LPA: variants seen among roughly 807,000 people sequenced by gnomAD.
LPA encodes lipoprotein(a), also known as apolipoprotein(a).
Under a neutral mutation model 197.9 loss-of-function variants are expected in LPA, and 199 were observed. The ratio of observed to expected loss-of-function variants is 1.01; its 90% CI spans 0.90 to 1.13. LPA has a LOEUF of 1.13. Among genes scored for constraint, LPA ranks in the 50% most tolerant of loss-of-function variants. The probability of loss-of-function intolerance (pLI) is 0.00; values close to 1 mark genes in which losing one functional copy is unlikely to be tolerated. For missense variants in LPA, 1,853 were observed against 1,785.8 expected (o/e 1.04, Z -0.68); for synonymous variants, 715 against 639.5 (o/e 1.12, Z -1.78).
rs369044815 is a variant in LPA at position 160,578,627 on chromosome 6, C to T, written c.4367G>A (p.Arg1456Lys). ...TCGTGTCAGGTTGCAGTACTCCCAC[C>T]TGACACTGGGATCCATGGTGTAACA... Reference protein sequence around the residue: ...PWCYTMDPSVRWEYCNLTRCP... With the variant: ...PWCYTMDPSVKWEYCNLTRCP... The change falls in exon 27 of 39, where the codon AGG (arginine) becomes AAG (lysine). Residue 1456 changes from arginine to lysine, a missense_variant. Around this residue, in one of 3 missense-constraint regions of LPA, gnomAD observed 1,737 missense variants for 1,504.4 expected, o/e 1.15. Transcript: ENST00000316300. The T allele has an allele frequency of 5.9e-5, 96 of 1,613,902 alleles. No individual in the cohort carries two copies. Among genetic ancestry groups the T allele is most frequent in the Non-Finnish European group, 7.8e-5 (92 of 1,179,928 alleles).
intron 37 of LPA, among the ~76,000 whole-genome samples, chr6:160,536,192 C>T (rs940121257): frequency 2.6e-5 from 4 of 152,170 alleles, no homozygotes; most frequent in Admixed American, 2.6e-4. Context: ...CATCTGCAGC[C>T]ATGGGAATGT....
Position 160,591,003 on chromosome 6 carries a change from G to A in LPA, c.3728C>T (p.Thr1243Ile). Residue 1243 changes from threonine to isoleucine, a missense_variant, in exon 23 of 39, where the codon ACA becomes ATA. Thr to Ile is a moderately conservative substitution (Grantham distance 89). Coordinates refer to ENST00000316300, the MANE Select transcript of LPA (RefSeq NM_005577.4). Reference sequence around the variant, plus strand: ...ACTTGATTCTGTCACTGGACATTGTGTCAGGTTGCAGTACTCCCATCTGAC... The same window carrying A: ...ACTTGATTCTGTCACTGGACATTGTATCAGGTTGCAGTACTCCCATCTGAC... Reference protein sequence around the residue: ...PNVRWEYCNLTQCPVTESSVL... With the variant: ...PNVRWEYCNLIQCPVTESSVL... 2.5e-6 allele frequency: 4 copies of A among 1,614,016 alleles called. No individual in the cohort carries two copies. Among genetic ancestry groups the A allele is most frequent in the Non-Finnish European group, 3.4e-6 (4 of 1,179,940 alleles).
rs1340012354 is a variant in LPA, at chr6:160,585,208, G to A, written c.4130-3C>T. ...CCCAGTGCTGTTTTCAGTTGGTGCT[G>A]AAATTAAAAGAGAAAATCAAGCTCA... On this transcript the variant is annotated splice_polypyrimidine_tract_variant and splice_region_variant and intron_variant, in intron 25 of 38. Transcript: ENST00000316300. 6.2e-7 allele frequency: 1 copy of A among 1,613,594 alleles called. No individual in the cohort carries two copies. Among genetic ancestry groups the A allele is most frequent in the Non-Finnish European group, 8.5e-7 (1 of 1,179,678 alleles).
chr6:160,655,705 GGATT>G, intron 1 of LPA, among the ~76,000 whole-genome samples: 1 of 152,246 alleles, frequency 6.6e-6, no homozygotes, highest in Non-Finnish European at 1.5e-5. Flanking sequence ...AATTTTAGCT[GGATT>G]TATTTCCCAT....
At chr6:160,541,368 G>A (rs1369335821) in intron 34 of LPA, among the ~76,000 whole-genome samples, 187 bp from the exon 35 acceptor site, 1 of 152,176 alleles carries the variant, frequency 6.6e-6, no homozygotes, top group African/African-American at 2.4e-5. Flanking sequence ...TTTTTCAGAA[G>A]GGCCCATCTG....
chr6:160,574,297 C>T (rs1396678706), intron 28 of LPA, among the ~76,000 whole-genome samples: 1 of 151,922 alleles, frequency 6.6e-6, no homozygotes, highest in African/African-American at 2.4e-5. Context: ...GGGGGAAAGT[C>T]AGGCTTGAAA....
At chr6:160,538,106 C>T (rs376038458) in intron 36 of LPA, 145 bp from the exon 37 acceptor site, 8 of 707,994 alleles carry the variant, frequency 1.1e-5, no homozygotes, top group East Asian at 5.5e-5. Flanking sequence ...TAGAACACAG[C>T]GTTTCACCCT....
intron 1 of LPA, among the ~76,000 whole-genome samples, chr6:160,655,005 G>A (rs949609702): frequency 1.3e-5 from 2 of 152,094 alleles, no homozygotes; most frequent in Non-Finnish European, 2.9e-5. Context: ...ATGGGCATTT[G>A]AGCCACTTCC....
At chr6:160,589,268 G>T (rs189272329) in intron 24 of LPA, among the ~76,000 whole-genome samples, 2 of 152,316 alleles carry the variant, frequency 1.3e-5, no homozygotes, top group Admixed American at 1.3e-4. Flanking sequence ...TTGTGGAATG[G>T]TGCTATTTCT....
intron 2 of LPA, among the ~76,000 whole-genome samples, chr6:160,648,559 T>A (rs1370738878): frequency 1.3e-5 from 2 of 151,996 alleles, no homozygotes; most frequent in Admixed American, 1.3e-4. Context: ...TTTGTGGATG[T>A]GTGTGTGTGT....
intron 34 of LPA, 98 bp downstream of exon 34, chr6:160,542,590 A>C: frequency 3.6e-5 from 55 of 1,513,672 alleles, no homozygotes; most frequent in Non-Finnish European, 4.4e-5. Flanking sequence ...AGAGGCAGGT[A>C]TTGATGCATC....
chr6:160,569,716 T>A (rs540531206), intron 28 of LPA, among the ~76,000 whole-genome samples: 14 of 151,736 alleles, frequency 9.2e-5, no homozygotes, highest in South Asian at 8.3e-4. Context: ...TGGGAGAAAA[T>A]TTTTACAATC....
chr6:160,650,076 G>A (rs1203403390), intron 2 of LPA, among the ~76,000 whole-genome samples: 2 of 152,158 alleles, frequency 1.3e-5, no homozygotes, highest in Non-Finnish European at 2.9e-5. Context: ...AGCTGACTCT[G>A]TCTAAACATT....
At chr6:160,620,694 T>C (rs1779605229) in intron 12 of LPA, among the ~76,000 whole-genome samples, 1 of 100,960 alleles carries the variant, frequency 9.9e-6, no homozygotes, top group South Asian at 3.2e-4. Context: ...TTATCAGCCA[T>C]CCTTGATTCC....
chr6:160,593,960 A>G lies in LPA; in HGVS notation c.3627T>C (p.Asn1209=), dbSNP rs758688036. The G allele has an allele frequency of 1.9e-6, 3 of 1,613,696 alleles. No individual in the cohort carries two copies. The highest frequency in any genetic ancestry group is 3.3e-5 in the Admixed American group (2 of 60,014). ...TTGAAGAAAACTCAAGGTTGTACCC[A>G]TTTGGATAATATTCTGTTGTCCTCT... ...WHQRTTEYYP[N]GGLTRNYCRN... Residue 1209 remains asparagine (N), a splice_region_variant and synonymous_variant, in exon 22 of 39, where the codon AAT becomes AAC. Coordinates refer to ENST00000316300, the MANE Select transcript of LPA (RefSeq NM_005577.4).
At chr6:160,584,461 A>G (rs1470416471) in intron 26 of LPA, among the ~76,000 whole-genome samples, 1 of 150,760 alleles carries the variant, frequency 6.6e-6, no homozygotes, top group Non-Finnish European at 1.5e-5. Flanking sequence ...CCTCCCAAGT[A>G]GTTGGAATTA....
chr6:160,606,266 C>T (rs1779347943), intron 17 of LPA, among the ~76,000 whole-genome samples: 1 of 152,150 alleles, frequency 6.6e-6, no homozygotes, highest in East Asian at 1.9e-4. Flanking sequence ...AGGGTTTGTG[C>T]CAATTCTAAA....
At chr6:160,578,059 C>G (rs1022745049) in intron 27 of LPA, among the ~76,000 whole-genome samples, 1 of 152,024 alleles carries the variant, frequency 6.6e-6, no homozygotes, top group African/African-American at 2.4e-5. Flanking sequence ...AGCCCCAGGA[C>G]AATAGAAAAA....
chr6:160,602,565 G>A (rs1049940986), intron 18 of LPA, among the ~76,000 whole-genome samples: 1 of 152,150 alleles, frequency 6.6e-6, no homozygotes, highest in Admixed American at 6.5e-5. Flanking sequence ...ATCTACATTT[G>A]CCATTTGCTG....
Sources: allele counts gnomAD v4.1 joint callset (sites outside exome capture counted in the v4.1 genomes callset), GRCh38; gene constraint gnomAD v4.1.1; regional missense constraint gnomAD v4.1.1; transcripts MANE v1.5; gene names NCBI Gene and HGNC (gene_info 2026-07-23, HGNC 2026-07-21).